UNC13C: variants seen among roughly 807,000 people sequenced by gnomAD.
UNC13C encodes the protein unc-13 homolog C, also known as protein unc-13 homolog C.
UNC13C carries 174 observed loss-of-function variants against 245.4 expected under a neutral mutation model. The ratio of observed to expected loss-of-function variants is 0.71; its 90% CI spans 0.63 to 0.80. The LOEUF is 0.80. Among genes scored for constraint, UNC13C ranks in the 30% least tolerant of loss-of-function variants. UNC13C has a pLI of 0.00. For synonymous variants in UNC13C, 992 were observed against 895.1 expected (o/e 1.11, Z -1.93); for missense variants, 2,829 against 2,602.9 (o/e 1.09, Z -1.89).
chr15:54,453,858 A>G (rs1445188304), intron 19 of UNC13C, among the ~76,000 whole-genome samples: 1 of 152,156 alleles, frequency 6.6e-6, no homozygotes, highest in African/African-American at 2.4e-5. Flanking sequence ...AAAGTGTACA[A>G]TTCAGTGGCA....
chr15:54,215,280 C>G (rs2035006382), intron 4 of UNC13C, among the ~76,000 whole-genome samples: 1 of 151,840 alleles, frequency 6.6e-6, no homozygotes, highest in Non-Finnish European at 1.5e-5. Context: ...TTTTTACTTC[C>G]TCAACTCATT....
At chr15:53,990,296 T>A (rs16973938) in intron 1 of UNC13C, among the ~76,000 whole-genome samples, 2,835 of 152,052 alleles carry the variant, frequency 0.019, 95 homozygotes, top group African/African-American at 0.065. Context: ...GGATCATCGA[T>A]GAAGAAGAGA....
chr15:54,610,030 C>A (rs1899992054), intron 30 of UNC13C, among the ~76,000 whole-genome samples: 1 of 152,110 alleles, frequency 6.6e-6, no homozygotes, highest in Admixed American at 6.6e-5. Flanking sequence ...CCTCCAATGA[C>A]ATGGGGAGAT....
intron 1 of UNC13C, among the ~76,000 whole-genome samples, chr15:53,997,576 T>G (rs1290515917): frequency 6.6e-6 from 1 of 152,168 alleles, no homozygotes; most frequent in African/African-American, 2.4e-5. Flanking sequence ...TCTACTTTTC[T>G]TGTGTTTATA....
intron 2 of UNC13C, among the ~76,000 whole-genome samples, chr15:54,061,162 C>CA (rs11447478): frequency 0.015 from 2,080 of 143,106 alleles, 47 homozygotes; most frequent in African/African-American, 0.047. Context: ...ATAAAAAAGA[C>CA]AAAAAAAAAA....
intron 2 of UNC13C, among the ~76,000 whole-genome samples, chr15:54,127,542 C>T (rs966751746): frequency 2.0e-4 from 31 of 151,632 alleles, no homozygotes; most frequent in Non-Finnish European, 4.1e-4. Context: ...ACATCACACA[C>T]TGGGGAGTTG....
chr15:54,564,394 C>A (rs1011594257), intron 29 of UNC13C, among the ~76,000 whole-genome samples: 2 of 151,976 alleles, frequency 1.3e-5, no homozygotes, highest in Non-Finnish European at 2.9e-5. Flanking sequence ...TGTACAAGCA[C>A]ACACCTTATT....
chr15:54,219,847 G>A (rs1000862640), intron 4 of UNC13C, among the ~76,000 whole-genome samples: 1 of 151,816 alleles, frequency 6.6e-6, no homozygotes, highest in African/African-American at 2.4e-5. Context: ...ATGAAAAAAT[G>A]CTCATCATCA....
chr15:54,512,237 C>T, intron 24 of UNC13C: 1 of 426,868 alleles, frequency 2.3e-6, no homozygotes, highest in Non-Finnish European at 4.7e-6. Flanking sequence ...TTTTGATGTA[C>T]TGGAGTTTAT....
the UNC13C span, among the ~76,000 whole-genome samples, chr15:53,881,011 A>T: frequency 6.6e-6 from 1 of 152,172 alleles, no homozygotes; most frequent in South Asian, 2.1e-4. Context: ...GTATTGCCCC[A>T]AGTGATGCTG....
intron 17 of UNC13C, among the ~76,000 whole-genome samples, chr15:54,345,428 A>G (rs1214606994): frequency 6.6e-6 from 1 of 152,116 alleles, no homozygotes. Context: ...AGATGAAGAG[A>G]TATGGGAAAA....
At chr15:54,219,659 G>C (rs1459142903) in intron 4 of UNC13C, among the ~76,000 whole-genome samples, 2 of 151,354 alleles carry the variant, frequency 1.3e-5, no homozygotes, top group Non-Finnish European at 2.9e-5. Flanking sequence ...AGAGTGAACA[G>C]GCAACCTACA....
intron 4 of UNC13C, among the ~76,000 whole-genome samples, chr15:54,179,201 G>A (rs2033715740): frequency 1.3e-5 from 2 of 151,974 alleles, no homozygotes; most frequent in Admixed American, 1.3e-4. Context: ...AGCTCAACCA[G>A]ATCCTTTATG....
intron 2 of UNC13C, among the ~76,000 whole-genome samples, chr15:54,055,474 G>T (rs921752298): frequency 6.6e-6 from 1 of 152,044 alleles, no homozygotes. Flanking sequence ...TACAAAACAA[G>T]CAAGTGCTAT....
chr15:54,134,438 GCGTT>G (rs988135915), intron 2 of UNC13C, among the ~76,000 whole-genome samples: 3 of 61,470 alleles, frequency 4.9e-5, no homozygotes, highest in African/African-American at 1.1e-4. Context: ...GTGTGTGTGT[GCGTT>G]TGTGTGTGTA....
chr15:54,524,930 A>G (rs1320634015), intron 24 of UNC13C, among the ~76,000 whole-genome samples: 2 of 152,146 alleles, frequency 1.3e-5, no homozygotes, highest in African/African-American at 4.8e-5. Context: ...TGCTTGATAC[A>G]ATAGACCTAT....
chr15:54,130,290 T>TTTC (rs1424261009), intron 2 of UNC13C, among the ~76,000 whole-genome samples: 2 of 100,798 alleles, frequency 2.0e-5, no homozygotes, highest in Non-Finnish European at 4.2e-5. Flanking sequence ...ATAATTAATT[T>TTTC]TTTTTTTTTT....
At position 54,623,850 on chromosome 15, in the gene UNC13C, G is replaced by T. The variant is rs372142677; in HGVS notation, c.6255G>T (p.Val2085=). 2.5e-6 allele frequency: 4 copies of T among 1,613,064 alleles called. No homozygotes were observed. In the Admixed American group the frequency reaches 5.0e-5, roughly 20 times the overall value. The change falls in exon 32 of 33, where the codon GTG becomes GTT. Residue 2085 remains valine, a synonymous_variant. Transcript: ENST00000260323. ...CCACAGCAATGTTCCGCCCCTTTGT[G>T]GAAGTTTGTATACTGGGACCCAACC... ...WQTTAMFRPF[V]EVCILGPNLG... is the part of the protein sequence containing the mutation.
intron 2 of UNC13C, among the ~76,000 whole-genome samples, chr15:54,041,437 A>G (rs1481291384): frequency 1.3e-5 from 2 of 152,212 alleles, no homozygotes; most frequent in Admixed American, 1.3e-4. Context: ...AAAATATTAA[A>G]GACTAAAAAT....
Sources: gnomAD v4.1 joint callset for allele counts (sites outside exome capture counted in the v4.1 genomes callset) on GRCh38, gnomAD v4.1.1 for gene constraint, MANE v1.5 for transcripts, NCBI Gene and HGNC (gene_info 2026-07-23, HGNC 2026-07-21) for gene names.